TEX264: variants seen among roughly 807,000 people sequenced by gnomAD.
TEX264 encodes the protein testis-expressed protein 264.
TEX264 carries 13 observed loss-of-function variants against 23.4 expected under a neutral mutation model. The ratio of observed to expected loss-of-function variants is 0.56; its 90% CI spans 0.36 to 0.88. TEX264 has a LOEUF of 0.88. Ranked by LOEUF, TEX264 falls within the 40% of genes least tolerant of loss-of-function variation. TEX264 has a pLI of 0.01. For synonymous variants in TEX264, 159 were observed against 170.0 expected, an observed-to-expected ratio of 0.94 and a Z score of 0.50; for missense variants, 340 against 406.8, an observed-to-expected ratio of 0.84 and a Z score of 1.41.
chr3:51,694,175 G>A (rs150315710), intron 3 of TEX264, among the ~76,000 whole-genome samples: 6 of 146,770 alleles, frequency 4.1e-5, no homozygotes, highest in African/African-American at 1.0e-4. Context: ...TCTGTTGCCC[G>A]GGCTGGAGTG....
At chr3:51,679,153 A>T (rs979334903) in intron 2 of TEX264, among the ~76,000 whole-genome samples, 2 of 152,112 alleles carry the variant, frequency 1.3e-5, no homozygotes, top group Non-Finnish European at 2.9e-5. Flanking sequence ...CTGCTAACCA[A>T]TGTGTGACTT....
Position 51,704,007 on chromosome 3 carries a change from C to A in TEX264, c.933C>A (p.Gly311=), listed in dbSNP as rs753281158. ...GGGAGCCCACTGCCCCTGAGAAGGGCAAGGAGTAACCCATGGCCTGCACCC... is the reference window on the plus strand; with the variant it reads ...GGGAGCCCACTGCCCCTGAGAAGGGAAAGGAGTAACCCATGGCCTGCACCC... ...WLWEPTAPEK[G]KE The change falls in exon 5 of 5, where the codon GGC becomes GGA. Residue 311 remains glycine (G), a synonymous_variant. Coordinates refer to ENST00000341333, the MANE Select transcript of TEX264 (RefSeq NM_015926.6). The A allele has an allele frequency of 1.3e-6, 2 of 1,526,788 alleles. No homozygotes were observed. Among genetic ancestry groups the A allele is most frequent in the Non-Finnish European group, 1.8e-6 (2 of 1,136,650 alleles). 94.6% of individuals were successfully genotyped at this position (1,526,788 alleles called of 1,614,324 possible). A position where few individuals can be genotyped will look rare whatever the true frequency, so the allele number is the denominator to read the frequency against.
chr3:51,699,569 G>A lies in TEX264; in HGVS notation c.644G>A (p.Gly215Asp). The A allele has an allele frequency of 6.2e-7, 1 of 1,613,854 alleles. No homozygotes were observed. Among genetic ancestry groups the A allele is most frequent in the Non-Finnish European group, 8.5e-7 (1 of 1,179,816 alleles). Residue 215 changes from glycine (G) to aspartate (D), a missense_variant, in exon 4 of 5, where the codon GGC becomes GAC. Physicochemically the swap from Gly to Asp is moderately conservative, Grantham distance 94. Transcript: ENST00000341333. ...GAGGCCATTGACACCCAGGTGGATG[G>A]CACAGGTACAGAAGGTGGGGTATGA... Reference protein sequence around the residue: ...LVEAIDTQVDGTGADTMSDTS... With the variant: ...LVEAIDTQVDDTGADTMSDTS...
At chr3:51,699,337 G>T (rs1703192628) in intron 3 of TEX264, 69 bp from the exon 4 acceptor site, 11 of 1,533,252 alleles carry the variant, frequency 7.2e-6, no homozygotes, top group Non-Finnish European at 5.4e-6. Flanking sequence ...CAGTTCTGGG[G>T]GTCACCCAGG....
At chr3:51,695,711 AGGT>A (rs1703030125) in intron 3 of TEX264, among the ~76,000 whole-genome samples, 1 of 152,148 alleles carries the variant, frequency 6.6e-6, no homozygotes, top group Non-Finnish European at 1.5e-5. Context: ...GGCTGAAGTG[AGGT>A]GGGAGTGTGT....
intron 3 of TEX264, among the ~76,000 whole-genome samples, chr3:51,688,786 C>T (rs773166595): frequency 5.3e-5 from 8 of 152,022 alleles, no homozygotes; most frequent in Non-Finnish European, 8.8e-5. Context: ...CCTTGGTGGC[C>T]GAATTCTGGG....
At chr3:51,693,680 A>G (rs1702915034) in intron 3 of TEX264, among the ~76,000 whole-genome samples, 2 of 151,918 alleles carry the variant, frequency 1.3e-5, no homozygotes, top group South Asian at 2.1e-4. Flanking sequence ...GGGTTTCACC[A>G]TGTCAGCCAG....
Position 51,699,587 on chromosome 3 carries a change from G to A in TEX264, c.649+13G>A, listed in dbSNP as rs760505589. ...GTGGATGGCACAGGTACAGAAGGTGGGGTATGAGGATGGGGCCCTCCTGGA... is the reference window on the plus strand; with the variant it reads ...GTGGATGGCACAGGTACAGAAGGTGAGGTATGAGGATGGGGCCCTCCTGGA... On this transcript the variant is annotated intron_variant, in intron 4 of 4. Coordinates refer to ENST00000341333, the MANE Select transcript of TEX264 (RefSeq NM_015926.6). 15 of 1,612,880 alleles carry A rather than the reference G, an allele frequency of 9.3e-6. 1 individual carries two copies. In the South Asian group the frequency reaches 1.5e-4, roughly 17 times the overall value.
At chr3:51,696,952 C>G (rs764721787) in intron 3 of TEX264, among the ~76,000 whole-genome samples, 3 of 152,196 alleles carry the variant, frequency 2.0e-5, no homozygotes, top group Admixed American at 6.5e-5. Context: ...GGAGCAGGCT[C>G]TGGGACCTGG....
intron 4 of TEX264, 116 bp downstream of exon 4, chr3:51,699,690 A>G (rs1703212211): frequency 7.9e-7 from 1 of 1,263,682 alleles, no homozygotes; most frequent in East Asian, 2.4e-5. Flanking sequence ...GTGTCAGGCT[A>G]TGCTTGGCAG....
At chr3:51,700,125 C>G (rs1236789387) in intron 4 of TEX264, among the ~76,000 whole-genome samples, 1 of 152,176 alleles carries the variant, frequency 6.6e-6, no homozygotes, top group African/African-American at 2.4e-5. Context: ...AGCCCACACT[C>G]CTGCTGGCAG....
rs750076252 is a variant in TEX264, at chr3:51,687,000, CT to C, written c.480+2367del. Among the ~76,000 whole-genome samples the C allele has an allele frequency of 2.6e-5, 4 of 152,222 alleles. No individual in the cohort carries two copies. Among genetic ancestry groups the C allele is most frequent in the Non-Finnish European group, 5.9e-5 (4 of 68,044 alleles). ...GGCCCCTGACAGCTTCACAAGTTGC[CT>C]GGTTTTGACGTCACCTCTTTGATGA... On this transcript the variant is annotated intron_variant, in intron 3 of 4. Coordinates refer to ENST00000341333, the MANE Select transcript of TEX264 (RefSeq NM_015926.6). The surrounding 1 kb of genome is among the most constrained non-coding windows in gnomAD (Gnocchi z 4.1).
At chr3:51,675,430 T>C (rs776036827) in intron 2 of TEX264, among the ~76,000 whole-genome samples, 6 of 152,132 alleles carry the variant, frequency 3.9e-5, no homozygotes, top group Non-Finnish European at 7.4e-5. Flanking sequence ...AGTGCACAAG[T>C]CCTGCAGTCT....
chr3:51,703,632 A>C lies in TEX264; in HGVS notation c.650-92A>C. 3 of 1,338,176 alleles carry C rather than the reference A, an allele frequency of 2.2e-6. No individual in the cohort carries two copies. Among genetic ancestry groups the C allele is most frequent in the Non-Finnish European group, 3.1e-6 (3 of 978,224 alleles). 82.9% of individuals were successfully genotyped at this position (1,338,176 alleles called of 1,614,324 possible). ...CCCCCTGAGCCCGGGAGGCTGCATT[A>C]TTCATGAGTGCACTGCGTGCTGAGT... On this transcript the variant is annotated intron_variant, in intron 4 of 4. Coordinates refer to ENST00000341333, the MANE Select transcript of TEX264 (RefSeq NM_015926.6). The surrounding 1 kb of genome is among the most constrained non-coding windows in gnomAD (Gnocchi z 4.8).
chr3:51,692,660 T>C (rs1403724974), intron 3 of TEX264, among the ~76,000 whole-genome samples: 1 of 152,212 alleles, frequency 6.6e-6, no homozygotes, highest in African/African-American at 2.4e-5. Flanking sequence ...TTTGTCAGCT[T>C]GTGAGCAGGA....
chr3:51,672,899 G>T (rs774884582), intron 1 of TEX264, among the ~76,000 whole-genome samples: 2 of 152,222 alleles, frequency 1.3e-5, no homozygotes, highest in Non-Finnish European at 2.9e-5. Context: ...AAATTGGAAT[G>T]AAAGTTACTG....
intron 1 of TEX264, among the ~76,000 whole-genome samples, chr3:51,672,554 G>T (rs550442119): frequency 6.6e-6 from 1 of 152,196 alleles, no homozygotes; most frequent in Non-Finnish European, 1.5e-5. Context: ...CCTAGATGCT[G>T]AGAGTTTTCC....
intron 3 of TEX264, among the ~76,000 whole-genome samples, chr3:51,685,911 C>T (rs920901200): frequency 6.6e-6 from 1 of 152,172 alleles, no homozygotes; most frequent in Non-Finnish European, 1.5e-5. Context: ...GGTGGATTCA[C>T]TGTTGTGGAA....
At chr3:51,678,765 C>G (rs549713482) in intron 2 of TEX264, among the ~76,000 whole-genome samples, 1 of 152,164 alleles carries the variant, frequency 6.6e-6, no homozygotes, top group Non-Finnish European at 1.5e-5. Flanking sequence ...TGATGTAGGC[C>G]TGTGTCACAC....
Sources: allele counts gnomAD v4.1 joint callset (sites outside exome capture counted in the v4.1 genomes callset), GRCh38; gene constraint gnomAD v4.1.1; non-coding constraint Gnocchi (gnomAD v3.1); transcripts MANE v1.5; gene names NCBI Gene and HGNC (gene_info 2026-07-23, HGNC 2026-07-21).